The following IFT43 variants were observed in gnomAD, a reference collection of about 807,000 sequenced individuals.
IFT43 encodes intraflagellar transport 43.
IFT43 carries 33 observed loss-of-function variants against 32.3 expected under a neutral mutation model. The observed-to-expected ratio is 1.02, with a 90% CI of 0.77 to 1.37. IFT43 has a LOEUF of 1.37. Among genes scored for constraint, IFT43 ranks in the 40% most tolerant of loss-of-function variants. IFT43 has a pLI of 0.00. For missense variants in IFT43, 274 were observed against 265.9 expected (o/e 1.03, Z -0.21); for synonymous variants, 93 against 98.2 (o/e 0.95, Z 0.31).
intron 7 of IFT43, 142 bp from the exon 8 acceptor site, chr14:76,083,085 T>C: frequency 2.4e-6 from 2 of 843,746 alleles, no homozygotes; most frequent in Non-Finnish European, 2.0e-6. Context: ...TCATTCATGA[T>C]TTTACTCTCT....
intron 3 of IFT43, among the ~76,000 whole-genome samples, chr14:76,057,565 A>C (rs1308049868): frequency 6.6e-6 from 1 of 152,196 alleles, no homozygotes; most frequent in East Asian, 1.9e-4. Context: ...AAAAAAAAAA[A>C]AATGAATGTA....
intron 5 of IFT43, among the ~76,000 whole-genome samples, chr14:76,079,356 A>G (rs2037467308): frequency 6.6e-6 from 1 of 152,222 alleles, no homozygotes. Context: ...AAGAATGGTT[A>G]TTGAATATTA....
intron 2 of IFT43, among the ~76,000 whole-genome samples, chr14:76,005,453 C>T (rs1420241048): frequency 6.6e-6 from 1 of 152,236 alleles, no homozygotes; most frequent in African/African-American, 2.4e-5. Context: ...AACTCTGCCT[C>T]CCTTGCAATG....
At chr14:76,033,807 G>A (rs1406433397) in intron 3 of IFT43, among the ~76,000 whole-genome samples, 2 of 152,180 alleles carry the variant, frequency 1.3e-5, no homozygotes, top group South Asian at 4.1e-4. Context: ...ACAAAAATCA[G>A]GAATGGCAAA....
intron 1 of IFT43, chr14:75,986,365 C>T (rs2035527649): frequency 9.4e-7 from 1 of 1,067,940 alleles, no homozygotes; most frequent in Admixed American, 3.6e-5. Context: ...TTAAGGAAAC[C>T]AAGACCGATT....
chr14:75,990,641 G>A (rs925524502), intron 2 of IFT43, among the ~76,000 whole-genome samples: 1 of 152,168 alleles, frequency 6.6e-6, no homozygotes, highest in African/African-American at 2.4e-5. Flanking sequence ...AGGTTGGGAG[G>A]CGAGGATAGT....
At chr14:76,060,499 G>A (rs1164591385) in intron 5 of IFT43, among the ~76,000 whole-genome samples, 7 of 151,680 alleles carry the variant, frequency 4.6e-5, no homozygotes, top group Non-Finnish European at 1.5e-5. Context: ...GATTACAGCC[G>A]TGAGCCACCG....
At chr14:76,041,305 C>G (rs528551461) in intron 3 of IFT43, among the ~76,000 whole-genome samples, 1 of 152,270 alleles carries the variant, frequency 6.6e-6, no homozygotes, top group South Asian at 2.1e-4. Context: ...CTTAGAAGGT[C>G]AGGAAAGAAA....
At chr14:75,994,103 CTT>C (rs746640100) in intron 2 of IFT43, among the ~76,000 whole-genome samples, 9 of 143,858 alleles carry the variant, frequency 6.3e-5, no homozygotes, top group Admixed American at 2.1e-4. Flanking sequence ...ATAGAAAGCC[CTT>C]TTTTTTTTTT....
intron 3 of IFT43, among the ~76,000 whole-genome samples, chr14:76,044,861 T>C (rs1397103422): frequency 6.6e-6 from 1 of 152,202 alleles, no homozygotes; most frequent in South Asian, 2.1e-4. Context: ...CTCTTCCTCC[T>C]CCTCCTGATC....
rs1312216785 is a variant in IFT43, at chr14:75,988,787, G to T, written c.55-98G>T. 2.8e-5 allele frequency: 44 copies of T among 1,589,900 alleles called. No homozygotes were observed. The Middle Eastern group carries it at 5.9e-4, about 21-fold the overall frequency. On this transcript the variant is annotated intron_variant, in intron 1 of 8. Coordinates refer to ENST00000314067, the MANE Select transcript of IFT43 (RefSeq NM_001102564.3). ...CCTGCCTCGTCCTCCCAAAGTGCTG[G>T]GATTGCAGCTGTGAGCCACTGCGCC...
rs145225884 is a variant in IFT43, at chr14:76,055,470, T to C, written c.216-3172T>C. Among the ~76,000 whole-genome samples, 3 of 152,238 alleles carry C rather than the reference T, an allele frequency of 2.0e-5. No homozygotes were observed. In the East Asian group the frequency reaches 5.8e-4, roughly 29 times the overall value. On this transcript the variant is annotated intron_variant, in intron 3 of 8. Coordinates refer to ENST00000314067, the MANE Select transcript of IFT43 (RefSeq NM_001102564.3). Reference sequence around the variant, plus strand: ...TTCTTACTATTTTCAGCACATGGTGTTTTCTGTGCTATTAAAAAAGAAAGA... The same window carrying C: ...TTCTTACTATTTTCAGCACATGGTGCTTTCTGTGCTATTAAAAAAGAAAGA...
intron 2 of IFT43, among the ~76,000 whole-genome samples, chr14:76,000,830 TGA>T (rs1192731753): frequency 6.6e-6 from 1 of 152,206 alleles, no homozygotes; most frequent in Non-Finnish European, 1.5e-5. Context: ...ATGACATTTT[TGA>T]GACTGAGAAT....
chr14:75,988,106 G>T (rs1394198413), intron 1 of IFT43, among the ~76,000 whole-genome samples: 1 of 152,224 alleles, frequency 6.6e-6, no homozygotes, highest in East Asian at 1.9e-4. Flanking sequence ...AGAGGAATTT[G>T]TAACTGCATT....
intron 3 of IFT43, among the ~76,000 whole-genome samples, chr14:76,028,345 CT>C (rs1487019675): frequency 2.0e-5 from 3 of 152,292 alleles, no homozygotes; most frequent in Non-Finnish European, 4.4e-5. Flanking sequence ...AATTTTAACT[CT>C]CTAATTCTAC....
At chr14:76,036,408 CTTT>C (rs3086747) in intron 3 of IFT43, among the ~76,000 whole-genome samples, 6 of 119,736 alleles carry the variant, frequency 5.0e-5, no homozygotes, top group East Asian at 2.4e-4. Flanking sequence ...TTCTGTCTTT[CTTT>C]TTTTTTTTTT....
At chr14:75,988,309 G>A (rs2035568916) in intron 1 of IFT43, among the ~76,000 whole-genome samples, 1 of 152,154 alleles carries the variant, frequency 6.6e-6, no homozygotes, top group Non-Finnish European at 1.5e-5. Flanking sequence ...AGCCTAGGGG[G>A]TGGAGGCTGC....
intron 3 of IFT43, among the ~76,000 whole-genome samples, chr14:76,042,238 A>C (rs1181230478): frequency 6.6e-6 from 1 of 151,930 alleles, no homozygotes; most frequent in African/African-American, 2.4e-5. Context: ...CCCTGCTTGC[A>C]GATGAGGAAA....
Position 76,015,014 on chromosome 14 carries a change from A to G in IFT43, c.148-7313A>G, listed in dbSNP as rs115030943. On this transcript the variant is annotated intron_variant, in intron 2 of 8. Transcript: ENST00000314067. The stretch of plus-strand genomic sequence containing the variant: ...CTGAACTCTGCGTGTTCTTGGCCTC[A>G]TGGAACATTTGGGACAGGGATGACA... Among the ~76,000 whole-genome samples, 259 of 152,304 alleles carry G rather than the reference A, an allele frequency of 1.7e-3. 2 individuals carry two copies. Among genetic ancestry groups the G allele is most frequent in the Middle Eastern group, 6.8e-3 (2 of 294 alleles).
Sources: gnomAD v4.1 joint callset for allele counts (sites outside exome capture counted in the v4.1 genomes callset) on GRCh38, gnomAD v4.1.1 for gene constraint, MANE v1.5 for transcripts, NCBI Gene and HGNC (gene_info 2026-07-23, HGNC 2026-07-21) for gene names.